Variants in PTPRD observed in about 807,000 individuals in gnomAD.
The protein encoded by PTPRD is protein tyrosine phosphatase receptor type D, also known as receptor-type tyrosine-protein phosphatase delta.
In PTPRD, 34 loss-of-function variants were observed where a neutral mutation model predicts 214.5. That is an observed-to-expected ratio of 0.16 (90% CI 0.12 to 0.21). The LOEUF (loss-of-function observed/expected upper bound fraction) is 0.21, where lower values mean the gene tolerates loss of function less well. Ranked by LOEUF, PTPRD falls within the 10% of genes least tolerant of loss-of-function variation. PTPRD has a pLI of 1.00. For missense variants in PTPRD, 2,545 were observed against 2,398.7 expected, an observed-to-expected ratio of 1.06 and a Z score of -1.27; for synonymous variants, 1,128 against 845.7, an observed-to-expected ratio of 1.33 and a Z score of -5.79.
At chr9:9,097,576 T>A (rs1308544845) in intron 10 of PTPRD, among the ~76,000 whole-genome samples, 1 of 111,966 alleles carries the variant, frequency 8.9e-6, no homozygotes, top group Admixed American at 1.0e-4. Context: ...GCCAGGCTAA[T>A]TTTTTTTGTA....
At chr9:9,301,721 T>C (rs1432091805) in intron 9 of PTPRD, among the ~76,000 whole-genome samples, 2 of 151,934 alleles carry the variant, frequency 1.3e-5, no homozygotes, top group Non-Finnish European at 2.9e-5. Context: ...CATCTGGCTA[T>C]AAAATTGTAT....
intron 2 of PTPRD, among the ~76,000 whole-genome samples, chr9:10,413,497 T>G (rs1260530964): frequency 6.6e-6 from 1 of 151,976 alleles, no homozygotes; most frequent in Non-Finnish European, 1.5e-5. Context: ...CGCTCAGGAA[T>G]AGGAAGAATC....
chr9:8,901,393 A>G (rs1434792353), intron 11 of PTPRD, among the ~76,000 whole-genome samples: 1 of 152,250 alleles, frequency 6.6e-6, no homozygotes, highest in Non-Finnish European at 1.5e-5. Context: ...GACTAGTCAT[A>G]AATATTAATG....
At chr9:10,370,595 G>A (rs971794397) in intron 2 of PTPRD, among the ~76,000 whole-genome samples, 5 of 151,850 alleles carry the variant, frequency 3.3e-5, no homozygotes, top group Non-Finnish European at 5.9e-5. Flanking sequence ...AATACATTTT[G>A]AATTGAAGTC....
At chr9:10,265,716 A>G (rs1484138964) in intron 3 of PTPRD, among the ~76,000 whole-genome samples, 1 of 152,192 alleles carries the variant, frequency 6.6e-6, no homozygotes, top group Admixed American at 6.5e-5. Flanking sequence ...ATAAGGAAAC[A>G]AATAGGCAGC....
intron 2 of PTPRD, among the ~76,000 whole-genome samples, chr9:10,351,812 T>C (rs948798884): frequency 2.0e-5 from 3 of 152,030 alleles, no homozygotes; most frequent in African/African-American, 7.2e-5. Flanking sequence ...TGTAGAGGCC[T>C]AGAACATAAT....
chr9:8,978,477 G>C (rs750539763), intron 11 of PTPRD, among the ~76,000 whole-genome samples: 3 of 152,102 alleles, frequency 2.0e-5, no homozygotes, highest in Non-Finnish European at 4.4e-5. Flanking sequence ...TAGGTACATG[G>C]AGTCAGCATT....
chr9:8,541,301 T>C (rs1048969286), intron 14 of PTPRD, among the ~76,000 whole-genome samples: 1 of 152,134 alleles, frequency 6.6e-6, no homozygotes, highest in African/African-American at 2.4e-5. Flanking sequence ...GCAATCATAG[T>C]TCACTGCAGC....
intron 7 of PTPRD, among the ~76,000 whole-genome samples, chr9:9,635,728 A>G (rs888170399): frequency 5.9e-5 from 9 of 152,214 alleles, no homozygotes; most frequent in African/African-American, 2.2e-4. Flanking sequence ...CCTGAAACCC[A>G]GAAGTCATTG....
intron 3 of PTPRD, among the ~76,000 whole-genome samples, chr9:10,313,645 A>G (rs910963632): frequency 3.3e-5 from 5 of 151,938 alleles, no homozygotes; most frequent in African/African-American, 1.2e-4. Flanking sequence ...AACTCCACCT[A>G]AATCTACATG....
intron 10 of PTPRD, among the ~76,000 whole-genome samples, chr9:9,093,153 C>T (rs890056050): frequency 1.3e-5 from 2 of 152,016 alleles, no homozygotes; most frequent in East Asian, 3.9e-4. Flanking sequence ...AATATATATA[C>T]ATCTAACAAC....
chr9:9,909,127 T>C (rs2078450027), intron 5 of PTPRD, among the ~76,000 whole-genome samples: 1 of 151,888 alleles, frequency 6.6e-6, no homozygotes, highest in African/African-American at 2.4e-5. Context: ...AGGGAGTAGA[T>C]GTAATGATTT....
intron 14 of PTPRD, among the ~76,000 whole-genome samples, chr9:8,585,410 C>A (rs1214436441): frequency 1.3e-5 from 2 of 152,172 alleles, no homozygotes; most frequent in East Asian, 1.9e-4. Context: ...ACTATAGTCA[C>A]TACTTTGTTT....
chr9:8,989,063 A>C (rs2099356305), intron 11 of PTPRD, among the ~76,000 whole-genome samples: 1 of 152,016 alleles, frequency 6.6e-6, no homozygotes, highest in East Asian at 1.9e-4. Flanking sequence ...GATTTCAACT[A>C]CCTATGTCTC....
intron 31 of PTPRD, among the ~76,000 whole-genome samples, chr9:8,465,898 C>T (rs2096535251): frequency 6.6e-6 from 1 of 151,848 alleles, no homozygotes; most frequent in South Asian, 2.1e-4. Flanking sequence ...CTGACAAGGT[C>T]TAGGCTATAA....
At chr9:9,385,722 C>A (rs141528902) in intron 9 of PTPRD, among the ~76,000 whole-genome samples, 177 of 152,216 alleles carry the variant, frequency 1.2e-3, no homozygotes, top group African/African-American at 4.1e-3. Context: ...ATGTACTTTT[C>A]TATGTATTTA....
chr9:8,317,726 T>A lies in PTPRD; in HGVS notation c.*148A>T. The stretch of plus-strand genomic sequence containing the variant: ...TTCTTGGTCCACCTGGAATAATTTG[T>A]TTTTAATTTGTTTTGTGTGTAATAG... On this transcript the variant is annotated 3_prime_UTR_variant, in exon 46 of 46. Coordinates refer to ENST00000381196, the MANE Select transcript of PTPRD (RefSeq NM_002839.4). The A allele has an allele frequency of 1.7e-6, 1 of 599,276 alleles. No homozygotes were observed. The highest frequency in any genetic ancestry group is 1.8e-5 in the African/African-American group (1 of 54,876). 37.1% of individuals were successfully genotyped at this position (599,276 alleles called of 1,614,324 possible).
At chr9:10,179,375 T>A (rs2099268562) in intron 3 of PTPRD, among the ~76,000 whole-genome samples, 1 of 151,958 alleles carries the variant, frequency 6.6e-6, no homozygotes, top group Non-Finnish European at 1.5e-5. Flanking sequence ...AAGCAGTCAA[T>A]CTAGAAAACT....
intron 10 of PTPRD, among the ~76,000 whole-genome samples, chr9:9,159,680 C>A (rs961171539): frequency 3.9e-5 from 6 of 152,096 alleles, no homozygotes; most frequent in African/African-American, 1.2e-4. Flanking sequence ...AATTCAATGT[C>A]ATTTTTCACA....
Sources: allele counts gnomAD v4.1 joint callset (sites outside exome capture counted in the v4.1 genomes callset), GRCh38; gene constraint gnomAD v4.1.1; transcripts MANE v1.5; gene names NCBI Gene and HGNC (gene_info 2026-07-23, HGNC 2026-07-21).